Variants in TERF1 observed in about 807,000 individuals in gnomAD.
TERF1 encodes the protein telomeric repeat binding factor 1.
A neutral mutation model predicts 55.1 loss-of-function variants in TERF1; 20 were observed. The observed-to-expected ratio is 0.36, with a 90% confidence interval of 0.26 to 0.53. The LOEUF (loss-of-function observed/expected upper bound fraction) is 0.53. Among genes scored for constraint, TERF1 ranks in the 20% least tolerant of loss-of-function variants. TERF1 has a pLI of 0.91. For missense variants in TERF1, 439 were observed against 535.7 expected (o/e 0.82, Z 1.78); for synonymous variants, 168 against 181.2 (o/e 0.93, Z 0.59).
intron 1 of TERF1, chr8:73,011,678 A>C (rs917649398): frequency 6.6e-6 from 1 of 152,338 alleles, no homozygotes; most frequent in Non-Finnish European, 1.5e-5. Flanking sequence ...TATGTCACAG[A>C]GATGGCTTCT....
intron 2 of TERF1, among the ~76,000 whole-genome samples, chr8:73,016,392 C>T (rs1808503233): frequency 6.6e-6 from 1 of 150,496 alleles, no homozygotes; most frequent in Admixed American, 6.6e-5. Context: ...CAGCAGATAT[C>T]TTAAAGGGGA....
intron 1 of TERF1, chr8:73,010,792 G>A (rs1463171362): frequency 6.6e-6 from 1 of 152,168 alleles, no homozygotes; most frequent in Non-Finnish European, 1.5e-5. Context: ...TGTAAGGCTG[G>A]GACAGGGAGA....
chr8:73,017,852 G>A (rs970091695), intron 2 of TERF1, among the ~76,000 whole-genome samples: 9 of 152,000 alleles, frequency 5.9e-5, no homozygotes, highest in Non-Finnish European at 1.0e-4. Flanking sequence ...ACAGGCGTGC[G>A]CCACCATGCC....
In TERF1 at chr8:73,009,151, G is replaced by A. The variant is rs1192159098; in HGVS notation, c.265G>A (p.Ala89Thr). The change falls in exon 1 of 10, where the codon GCT becomes ACT. Residue 89 changes from alanine to threonine, a missense_variant. Transcript: ENST00000276603. ...TTTCCTCTGCCTCTCTCTTTGCCGA[G>A]CTTTCCGCGACGGCCGCTCCGAGGA... ...LDFLCLSLCR[A>T]FRDGRSEDFR... The A allele has an allele frequency of 1.2e-6, 2 of 1,611,288 alleles. No homozygotes were observed. Among genetic ancestry groups the A allele is most frequent in the East Asian group, 2.2e-5 (1 of 44,858 alleles).
At chr8:73,015,812 A>T (rs1808479374) in intron 2 of TERF1, among the ~76,000 whole-genome samples, 1 of 152,244 alleles carries the variant, frequency 6.6e-6, no homozygotes. Context: ...GAGTGACAGA[A>T]TGAAATCCTG....
At chr8:73,035,922 G>A (rs1360879108) in intron 8 of TERF1, among the ~76,000 whole-genome samples, 2 of 152,172 alleles carry the variant, frequency 1.3e-5, no homozygotes, top group Non-Finnish European at 2.9e-5. Flanking sequence ...TAGCCATAGG[G>A]CTTTATAAGC....
rs1808801459 is a variant in TERF1 at position 73,022,356 on chromosome 8, G to A, written c.624+54G>A. 3 of 1,089,360 alleles carry A rather than the reference G, an allele frequency of 2.8e-6. No individual in the cohort carries two copies. In the Admixed American group the frequency reaches 7.6e-5, roughly 28 times the overall value. The allele number at this position is 1,089,360 out of a possible 1,614,324, so 67.5% of individuals were successfully genotyped here. ...TTTAGAAGTGTTTATGTAGAGTGAG[G>A]AAAACTGAAAGAAAATTGGAGGAGA... is the stretch of plus-strand genomic sequence containing the variant. On this transcript the variant is annotated intron_variant, in intron 4 of 9. Transcript: ENST00000276603.
chr8:73,014,300 T>C (rs1808403653), intron 2 of TERF1, among the ~76,000 whole-genome samples: 1 of 151,622 alleles, frequency 6.6e-6, no homozygotes. Flanking sequence ...TCAGATTCAG[T>C]AGGATGGGTA....
chr8:73,008,930 G>C lies in TERF1; in HGVS notation c.44G>C (p.Cys15Ser). 2.5e-6 allele frequency: 4 copies of C among 1,612,622 alleles called. No individual in the cohort carries two copies. Among genetic ancestry groups the C allele is most frequent in the Non-Finnish European group, 2.5e-6 (3 of 1,179,528 alleles). ...VSSAAPSPRG[C>S]ADGRDADPTE... is the part of the protein sequence containing the mutation. ...TCAGCGGCCCCGAGCCCGCGGGGCT[G>C]TGCGGATGGTAGGGATGCCGACCCT... The change falls in exon 1 of 10, where the codon TGT (cysteine) becomes TCT (serine). Residue 15 changes from cysteine (C) to serine (S), a missense_variant. Around this residue, in one of 4 missense-constraint regions of TERF1, gnomAD observed 179 missense variants for 152.6 expected, o/e 1.17. Transcript: ENST00000276603.
chr8:73,037,675 A>G (rs1809609758), intron 8 of TERF1, among the ~76,000 whole-genome samples: 1 of 70,414 alleles, frequency 1.4e-5, no homozygotes, highest in South Asian at 3.4e-4. Context: ...ATATTATATT[A>G]TATATAATAT....
rs1043278561 is a variant in TERF1, at chr8:73,047,307, A to C, written c.*1170A>C. ...AATTTGACTTTTGTTCCAGTGTTTAAACTTTGACAAAAATGGTTTTGAATA... is the reference window on the plus strand; with the variant it reads ...AATTTGACTTTTGTTCCAGTGTTTACACTTTGACAAAAATGGTTTTGAATA... On this transcript the variant is annotated 3_prime_UTR_variant, in exon 10 of 10. Transcript: ENST00000276603. 5.3e-5 allele frequency: 8 copies of C among 152,238 alleles called. No homozygotes were observed. The highest frequency in any genetic ancestry group is 1.2e-4 in the Non-Finnish European group (8 of 68,028). 9.4% of individuals were successfully genotyped at this position (152,238 alleles called of 1,614,324 possible).
intron 7 of TERF1, chr8:73,030,608 C>T: frequency 2.6e-6 from 1 of 385,364 alleles, no homozygotes; most frequent in Non-Finnish European, 4.6e-6. Context: ...ATTGTTTCTA[C>T]AAAGCCATTA....
chr8:73,035,891 C>T (rs978521590), intron 8 of TERF1, among the ~76,000 whole-genome samples: 1 of 152,084 alleles, frequency 6.6e-6, no homozygotes, highest in African/African-American at 2.4e-5. Flanking sequence ...TTTGGTGTTC[C>T]ATATTGTCAG....
At position 73,037,699 on chromosome 8, in the gene TERF1, TA is replaced by T. The variant is rs1199126325; in HGVS notation, c.1040-1415del. ...TATATATAATATATATTATATAGTA[TA>T]ATATTATATTATATATAATATATAT... On this transcript the variant is annotated intron_variant, in intron 8 of 9. Transcript: ENST00000276603. Among the ~76,000 whole-genome samples, 6 of 42,644 alleles carry T rather than the reference TA, an allele frequency of 1.4e-4. No homozygotes were observed. In the East Asian group the frequency reaches 1.6e-3, roughly 12 times the overall value. 28.0% of individuals were successfully genotyped at this position (42,644 alleles called of 152,430 possible).
chr8:73,043,607 A>C (rs1405172622), intron 9 of TERF1, among the ~76,000 whole-genome samples: 2 of 152,208 alleles, frequency 1.3e-5, no homozygotes, highest in African/African-American at 4.8e-5. Flanking sequence ...GTAGAAAACC[A>C]GCCTTGGGCT....
chr8:73,018,509 C>G (rs971548303), intron 2 of TERF1, among the ~76,000 whole-genome samples: 3 of 152,092 alleles, frequency 2.0e-5, no homozygotes, highest in African/African-American at 7.2e-5. Context: ...AACCCCGTCT[C>G]TACTAAAAGT....
chr8:73,047,572 T>C lies in TERF1; in HGVS notation c.*1435T>C, dbSNP rs1810096141. ...CAGAATTATTTAGCATTTCGAGTCA[T>C]GTGCTTTATTTAGCAAGTGAGTAAA... On this transcript the variant is annotated 3_prime_UTR_variant, in exon 10 of 10. Transcript: ENST00000276603. 1 of 152,242 alleles carries C rather than the reference T, an allele frequency of 6.6e-6. No individual in the cohort carries two copies. The highest frequency in any genetic ancestry group is 2.4e-5 in the African/African-American group (1 of 41,462). The allele number at this position is 152,242 out of a possible 1,614,324, so 9.4% of individuals were successfully genotyped here.
At position 73,032,055 on chromosome 8, in the gene TERF1, C is replaced by T; in HGVS notation, c.961C>T (p.Leu321Phe). Residue 321 changes from leucine to phenylalanine, a missense_variant, in exon 8 of 10, where the codon CTT becomes TTT. Around this residue, in one of 4 missense-constraint regions of TERF1, gnomAD observed 140 missense variants for 158.6 expected, o/e 0.88. Transcript: ENST00000276603. ...GTTTTATTTTAGGTCTCACAAGAAT[C>T]TTTTCTTATCTAAGTTGCAACATGG... ...TVSLLRSHKN[L>F]FLSKLQHGTQ... 1.2e-6 allele frequency: 2 copies of T among 1,609,832 alleles called. No individual in the cohort carries two copies. The highest frequency in any genetic ancestry group is 1.7e-6 in the Non-Finnish European group (2 of 1,178,890).
chr8:73,037,820 AAT>A (rs1809649333), intron 8 of TERF1, among the ~76,000 whole-genome samples: 2 of 104,210 alleles, frequency 1.9e-5, no homozygotes, highest in African/African-American at 3.9e-5. Context: ...TATTATATAT[AAT>A]ATATAGTATA....
Sources: allele counts gnomAD v4.1 joint callset (sites outside exome capture counted in the v4.1 genomes callset), GRCh38; gene constraint gnomAD v4.1.1; regional missense constraint gnomAD v4.1.1; transcripts MANE v1.5; gene names NCBI Gene and HGNC (gene_info 2026-07-23, HGNC 2026-07-21).